Variants in SUGCT observed in about 807,000 individuals in gnomAD.
SUGCT encodes succinyl-CoA:glutarate CoA-transferase.
SUGCT carries 41 observed loss-of-function variants against 55.0 expected under a neutral mutation model. The ratio of observed to expected loss-of-function variants is 0.74; its 90% CI spans 0.58 to 0.97. SUGCT has a LOEUF of 0.97. Ranked by LOEUF, SUGCT falls within the 50% of genes least tolerant of loss-of-function variation. The probability of loss-of-function intolerance (pLI) is 0.00; values close to 1 mark genes in which losing one functional copy is unlikely to be tolerated. For missense variants in SUGCT, 568 were observed against 547.8 expected, an observed-to-expected ratio of 1.04 and a Z score of -0.37; for synonymous variants, 187 against 200.4, an observed-to-expected ratio of 0.93 and a Z score of 0.56.
At chr7:40,804,908 G>C (rs1488871786) in intron 13 of SUGCT, among the ~76,000 whole-genome samples, 1 of 152,134 alleles carries the variant, frequency 6.6e-6, no homozygotes, top group East Asian at 1.9e-4. Flanking sequence ...GAAAACATTT[G>C]GGGGAGGGAA....
intron 9 of SUGCT, among the ~76,000 whole-genome samples, chr7:40,343,773 C>T (rs1301712168): frequency 6.6e-6 from 1 of 152,176 alleles, no homozygotes. Flanking sequence ...TCTCCTGCCT[C>T]AGCCTCCTGA....
At chr7:40,573,700 G>A (rs954278382) in intron 12 of SUGCT, among the ~76,000 whole-genome samples, 3 of 152,170 alleles carry the variant, frequency 2.0e-5, no homozygotes, top group African/African-American at 7.2e-5. Context: ...TTGAGAAATG[G>A]CAGATGCCTT....
intron 13 of SUGCT, among the ~76,000 whole-genome samples, chr7:40,754,533 C>T (rs1261532286): frequency 6.6e-6 from 1 of 152,136 alleles, no homozygotes; most frequent in African/African-American, 2.4e-5. Context: ...CCTCGTGGAG[C>T]TTATGCTTGG....
At chr7:40,871,279 C>A in the SUGCT span, among the ~76,000 whole-genome samples, 9 of 152,194 alleles carry the variant, frequency 5.9e-5, no homozygotes, top group African/African-American at 2.2e-4. Context: ...GGTATGGCAT[C>A]TTCCTTTTAT....
intron 13 of SUGCT, among the ~76,000 whole-genome samples, chr7:40,756,709 G>T (rs1788269246): frequency 6.6e-6 from 1 of 152,160 alleles, no homozygotes; most frequent in Non-Finnish European, 1.5e-5. Flanking sequence ...AAGTATGTTG[G>T]TGCTCATAAG....
chr7:40,478,538 T>C (rs1266355199), intron 11 of SUGCT, among the ~76,000 whole-genome samples: 38 of 152,136 alleles, frequency 2.5e-4, no homozygotes, highest in Non-Finnish European at 2.9e-5. Flanking sequence ...TTTTTAAAGG[T>C]GTATTTAACA....
At chr7:40,191,362 C>G (rs2150738521) in intron 5 of SUGCT, among the ~76,000 whole-genome samples, 1 of 152,284 alleles carries the variant, frequency 6.6e-6, no homozygotes, top group East Asian at 1.9e-4. Flanking sequence ...TTCAATTGCT[C>G]TGCTGCTGCT....
At chr7:40,592,508 AG>A (rs1446094452) in intron 12 of SUGCT, among the ~76,000 whole-genome samples, 1 of 152,140 alleles carries the variant, frequency 6.6e-6, no homozygotes, top group African/African-American at 2.4e-5. Flanking sequence ...TGAATAAAGG[AG>A]GTTGGAAACT....
chr7:40,737,462 A>G (rs1787222124), intron 12 of SUGCT, among the ~76,000 whole-genome samples: 1 of 152,204 alleles, frequency 6.6e-6, no homozygotes, highest in African/African-American at 2.4e-5. Flanking sequence ...TATTTTTTCA[A>G]ATGACCACTC....
At chr7:40,445,758 AT>A (rs1023362028) in intron 9 of SUGCT, among the ~76,000 whole-genome samples, 1 of 152,162 alleles carries the variant, frequency 6.6e-6, no homozygotes, top group African/African-American at 2.4e-5. Context: ...ATAACATATT[AT>A]TTTTTAAAGT....
At chr7:40,820,457 G>T (rs1387205589) in intron 13 of SUGCT, among the ~76,000 whole-genome samples, 1 of 149,462 alleles carries the variant, frequency 6.7e-6, no homozygotes, top group South Asian at 2.1e-4. Context: ...GTGGTTTGTA[G>T]TTCTCCTTGA....
Position 40,637,821 on chromosome 7 carries a change from G to A in SUGCT, c.1090-111613G>A, listed in dbSNP as rs148731959. Among the ~76,000 whole-genome samples the A allele has an allele frequency of 2.8e-3, 433 of 152,342 alleles. 2 individuals carry two copies. Among genetic ancestry groups the A allele is most frequent in the African/African-American group, 7.4e-3 (309 of 41,590 alleles). ...TGAGATTATAATATGGTGATTGGAA[G>A]ATTTTTTAGTATGAAAGGTTTAGAA... On this transcript the variant is annotated intron_variant, in intron 12 of 13. Transcript: ENST00000335693.
intron 9 of SUGCT, among the ~76,000 whole-genome samples, chr7:40,337,846 G>T (rs931286539): frequency 6.6e-6 from 1 of 151,932 alleles, no homozygotes; most frequent in South Asian, 2.1e-4. Context: ...CCTAGCCTCG[G>T]TGGTCTTTAC....
chr7:40,185,097 T>C (rs1325223953), intron 3 of SUGCT, among the ~76,000 whole-genome samples: 2 of 152,230 alleles, frequency 1.3e-5, no homozygotes, highest in Non-Finnish European at 2.9e-5. Flanking sequence ...CTCCCAGAGA[T>C]GATGCTTTGT....
rs768451436 is a variant in SUGCT, at chr7:40,180,964, C to A, written c.118C>A (p.Pro40Thr). The A allele has an allele frequency of 1.9e-6, 3 of 1,609,270 alleles. No individual in the cohort carries two copies. Among genetic ancestry groups the A allele is most frequent in the Non-Finnish European group, 1.7e-6 (2 of 1,176,144 alleles). Residue 40 changes from proline to threonine, a missense_variant, in exon 2 of 14, where the codon CCA becomes ACA. By Grantham distance (38) the Pro-to-Thr change is conservative. Transcript: ENST00000335693. ...TTTGCCAGATATGAACAATATAAAG[C>A]CATTGGAAGGGGTAAAAATTCTGGA... Reference protein sequence around the residue: ...RPQSDMNNIKPLEGVKILDLT... With the variant: ...RPQSDMNNIKTLEGVKILDLT...
chr7:40,560,185 G>T (rs1406203783), intron 12 of SUGCT, among the ~76,000 whole-genome samples: 1 of 152,174 alleles, frequency 6.6e-6, no homozygotes, highest in Non-Finnish European at 1.5e-5. Context: ...ATACAGCTAG[G>T]TTTATCACAT....
At chr7:40,828,478 T>C (rs1178396599) in intron 13 of SUGCT, among the ~76,000 whole-genome samples, 1 of 151,844 alleles carries the variant, frequency 6.6e-6, no homozygotes, top group African/African-American at 2.4e-5. Context: ...GCTGGCATAT[T>C]GGGGCTTCCA....
chr7:40,531,415 T>C (rs552574657), intron 12 of SUGCT, among the ~76,000 whole-genome samples: 6 of 152,176 alleles, frequency 3.9e-5, no homozygotes, highest in South Asian at 2.1e-4. Flanking sequence ...AGAGGAGTTA[T>C]TGGATTTTTT....
intron 6 of SUGCT, among the ~76,000 whole-genome samples, chr7:40,216,109 CTTT>C (rs74272038): frequency 4.7e-5 from 6 of 128,198 alleles, no homozygotes; most frequent in Non-Finnish European, 8.6e-5. Context: ...CAGAGAAAGG[CTTT>C]TTTTTTTTTT....
Sources: gnomAD v4.1 joint callset for allele counts (sites outside exome capture counted in the v4.1 genomes callset) on GRCh38, gnomAD v4.1.1 for gene constraint, MANE v1.5 for transcripts, NCBI Gene and HGNC (gene_info 2026-07-23, HGNC 2026-07-21) for gene names.